ACVR2B: variants seen among roughly 807,000 people sequenced by gnomAD.
ACVR2B encodes the protein activin receptor type-2B.
In ACVR2B, 18 loss-of-function variants were observed where a neutral mutation model predicts 65.1. The ratio of observed to expected loss-of-function variants is 0.28; its 90% confidence interval spans 0.19 to 0.41. ACVR2B has a LOEUF of 0.41. Ranked by LOEUF, ACVR2B falls within the 10% of genes least tolerant of loss-of-function variation. The pLI, the probability that ACVR2B is intolerant of heterozygous loss-of-function variation, is 1.00. For missense variants in ACVR2B, 482 were observed against 682.7 expected, an observed-to-expected ratio of 0.71 and a Z score of 3.28; for synonymous variants, 298 against 277.7, an observed-to-expected ratio of 1.07 and a Z score of -0.73.
At chr3:38,458,575 C>G (rs1468486197) in intron 1 of ACVR2B, among the ~76,000 whole-genome samples, 1 of 152,174 alleles carries the variant, frequency 6.6e-6, no homozygotes, top group Non-Finnish European at 1.5e-5. Flanking sequence ...GATTCTAGCC[C>G]TGGTCTCTCT....
chr3:38,471,857 G>A (rs963928484), intron 1 of ACVR2B, among the ~76,000 whole-genome samples: 4 of 152,210 alleles, frequency 2.6e-5, no homozygotes, highest in Admixed American at 6.5e-5. Context: ...TAGGACCTGG[G>A]ATGTAGTGTG....
rs79437393 is a variant in ACVR2B, at chr3:38,467,868, A to G, written c.53-9419A>G. 7.0e-3 allele frequency among the ~76,000 whole-genome samples: 1,062 copies of G among 152,182 alleles called. 9 individuals are homozygous for G. The highest frequency in any genetic ancestry group is 0.025 in the African/African-American group (1,022 of 41,504). ...AATATAGCTAATATTTCTAATAAAT[A>G]TATGATGTTAAAATTATTATTATTT... is the stretch of plus-strand genomic sequence containing the variant. On this transcript the variant is annotated intron_variant, in intron 1 of 10. Transcript: ENST00000352511.
In ACVR2B at chr3:38,487,698, G is replaced by A. The variant is rs886058408; in HGVS notation, c.*4366G>A. 4 of 152,210 alleles carry A rather than the reference G, an allele frequency of 2.6e-5. No individual in the cohort carries two copies. The East Asian group carries it at 7.7e-4, about 29-fold the overall frequency. The allele number at this position is 152,210 out of a possible 1,614,324, so 9.4% of individuals were successfully genotyped here. On this transcript the variant is annotated 3_prime_UTR_variant, in exon 11 of 11. Coordinates refer to ENST00000352511, the MANE Select transcript of ACVR2B (RefSeq NM_001106.4). ...AGAATTTTGCCTTTTTTAGTATGCA[G>A]TATAAAGTTTCCAGCATCTATTGGT...
At chr3:38,465,285 G>T (rs1213854570) in intron 1 of ACVR2B, among the ~76,000 whole-genome samples, 1 of 151,558 alleles carries the variant, frequency 6.6e-6, no homozygotes, top group African/African-American at 2.4e-5. Context: ...TGTAATCCCA[G>T]CTACTTGGGG....
chr3:38,483,423 A>G lies in ACVR2B; in HGVS notation c.*91A>G. The G allele has an allele frequency of 3.2e-6, 4 of 1,231,474 alleles. No homozygotes were observed. The highest frequency in any genetic ancestry group is 1.5e-5 in the African/African-American group (1 of 67,774). The allele number at this position is 1,231,474 out of a possible 1,614,324, so 76.3% of individuals were successfully genotyped here. ...TTGTTTTGGAAATCCCATAAAACCA[A>G]CAAACACATAAAATGCAGCTGCTAT... On this transcript the variant is annotated 3_prime_UTR_variant, in exon 11 of 11. Transcript: ENST00000352511. The surrounding 1 kb of genome is among the most constrained non-coding windows in gnomAD (Gnocchi z 4.8).
chr3:38,467,383 C>T (rs372256028), intron 1 of ACVR2B, among the ~76,000 whole-genome samples: 4 of 151,254 alleles, frequency 2.6e-5, no homozygotes, highest in African/African-American at 4.9e-5. Flanking sequence ...GCGGAAGTTT[C>T]GGTGAGCTGA....
chr3:38,466,444 C>A (rs1393720335), intron 1 of ACVR2B, among the ~76,000 whole-genome samples: 1 of 151,750 alleles, frequency 6.6e-6, no homozygotes, highest in African/African-American at 2.4e-5. Flanking sequence ...ATATATGTAT[C>A]AAAACGTATT....
rs1340699779 is a variant in ACVR2B at position 38,483,313 on chromosome 3, C to A, written c.1520C>A (p.Pro507His). Residue 507 changes from proline to histidine, a missense_variant, in exon 11 of 11, where the codon CCT (proline) becomes CAT (histidine). By Grantham distance (77) the Pro-to-His change is moderately conservative (BLOSUM62 -2). Transcript: ENST00000352511. The surrounding 1 kb of genome is among the most constrained non-coding windows in gnomAD (Gnocchi z 4.8). ...VTSVTNVDLP[P>H]KESSI ...TCTGTCACCAATGTGGACCTGCCCCCTAAAGAGTCAAGCATCTAAGCCCAG... is the reference window on the plus strand; with the variant it reads ...TCTGTCACCAATGTGGACCTGCCCCATAAAGAGTCAAGCATCTAAGCCCAG... 6.2e-6 allele frequency: 10 copies of A among 1,613,926 alleles called. No individual in the cohort carries two copies. In the East Asian group the frequency reaches 2.2e-4, roughly 36 times the overall value.
rs150861728 is a variant in ACVR2B, at chr3:38,491,145, C to A, written c.*7813C>A. ...TGAAATTAGGCCTTGTGGGATATGGCTGTTTGTCATTTTGATGTATTTTAA... is the reference window on the plus strand; with the variant it reads ...TGAAATTAGGCCTTGTGGGATATGGATGTTTGTCATTTTGATGTATTTTAA... On this transcript the variant is annotated 3_prime_UTR_variant, in exon 11 of 11. Coordinates refer to ENST00000352511, the MANE Select transcript of ACVR2B (RefSeq NM_001106.4). The A allele has an allele frequency of 6.6e-6, 1 of 152,346 alleles. No homozygotes were observed. Among genetic ancestry groups the A allele is most frequent in the East Asian group, 1.9e-4 (1 of 5,188 alleles). The allele number at this position is 152,346 out of a possible 1,614,324, so 9.4% of individuals were successfully genotyped here.
Position 38,454,126 on chromosome 3 carries a change from C to A in ACVR2B, c.-197C>A. 1 of 223,518 alleles carries A rather than the reference C, an allele frequency of 4.5e-6. No individual in the cohort carries two copies. The highest frequency in any genetic ancestry group is 1.5e-4 in the South Asian group (1 of 6,688). The allele number at this position is 223,518 out of a possible 1,614,324, so 13.8% of individuals were successfully genotyped here. On this transcript the variant is annotated 5_prime_UTR_variant, in exon 1 of 11. Coordinates refer to ENST00000352511, the MANE Select transcript of ACVR2B (RefSeq NM_001106.4). ...CGCAGCCTGCGCCGCCCGCAGCGGC[C>A]CTGAGCCCGGCCCCGCCGACCGGCC...
rs1250154779 is a variant in ACVR2B, at chr3:38,492,583, G to T, written c.*9251G>T. On this transcript the variant is annotated 3_prime_UTR_variant, in exon 11 of 11. Coordinates refer to ENST00000352511, the MANE Select transcript of ACVR2B (RefSeq NM_001106.4). ...CTTGTAGCTATAAAATAAAAATTTT[G>T]TAGAACAGAAATAGCTTGTACTACT... The T allele has an allele frequency of 6.6e-6, 1 of 151,798 alleles. No homozygotes were observed. Among genetic ancestry groups the T allele is most frequent in the East Asian group, 1.9e-4 (1 of 5,166 alleles). The allele number at this position is 151,798 out of a possible 1,614,324, so 9.4% of individuals were successfully genotyped here.
intron 1 of ACVR2B, among the ~76,000 whole-genome samples, chr3:38,468,783 G>A (rs939328937): frequency 6.6e-6 from 1 of 152,142 alleles, no homozygotes; most frequent in African/African-American, 2.4e-5. Context: ...TGTCATTTCT[G>A]TAGTTCTCTC....
At chr3:38,473,221 G>GC (rs1192549697) in intron 1 of ACVR2B, among the ~76,000 whole-genome samples, 2 of 152,182 alleles carry the variant, frequency 1.3e-5, no homozygotes, top group Non-Finnish European at 2.9e-5. Context: ...AGTTGGTTTG[G>GC]CTGTGACTCA....
In ACVR2B at chr3:38,481,298, G is replaced by A. The variant is rs187716119; in HGVS notation, c.960-53G>A. On this transcript the variant is annotated intron_variant, in intron 7 of 10. Coordinates refer to ENST00000352511, the MANE Select transcript of ACVR2B (RefSeq NM_001106.4). The surrounding 1 kb of genome is among the most constrained non-coding windows in gnomAD (Gnocchi z 4.7). ...AGACTCTAGTATCTTGGGAACCAAG[G>A]TGGGAGTTGGATCATGATGTTAAGC... The A allele has an allele frequency of 1.4e-5, 20 of 1,464,500 alleles. No individual in the cohort carries two copies. The Admixed American group carries it at 3.3e-4, about 24-fold the overall frequency. The allele number at this position is 1,464,500 out of a possible 1,614,324, so 90.7% of individuals were successfully genotyped here. A position where few individuals can be genotyped will look rare whatever the true frequency, so the allele number is the denominator to read the frequency against.
At chr3:38,457,796 AC>A (rs777610059) in intron 1 of ACVR2B, among the ~76,000 whole-genome samples, 3 of 152,168 alleles carry the variant, frequency 2.0e-5, no homozygotes, top group Non-Finnish European at 4.4e-5. Context: ...TTTCTTGGCC[AC>A]TTCCTTGGGG....
At position 38,484,469 on chromosome 3, in the gene ACVR2B, T is replaced by C. The variant is rs1559657458; in HGVS notation, c.*1137T>C. 6.6e-6 allele frequency: 1 copy of C among 152,240 alleles called. No homozygotes were observed. The highest frequency in any genetic ancestry group is 1.5e-5 in the Non-Finnish European group (1 of 68,066). 9.4% of individuals were successfully genotyped at this position (152,240 alleles called of 1,614,324 possible). On this transcript the variant is annotated 3_prime_UTR_variant, in exon 11 of 11. Transcript: ENST00000352511. ...GACCCCAGAGTCCTGCACCTCTGGTTCCGCCCCAGGTGGTGACATTACTGT... is the reference window on the plus strand; with the variant it reads ...GACCCCAGAGTCCTGCACCTCTGGTCCCGCCCCAGGTGGTGACATTACTGT...
At chr3:38,482,395 T>C (rs1710032942) in intron 9 of ACVR2B, 35 bp from the exon 10 acceptor site, 1 of 1,610,184 alleles carries the variant, frequency 6.2e-7, no homozygotes, top group Non-Finnish European at 8.5e-7. Flanking sequence ...AGTGGGACCT[T>C]AGAGTGATCC....
At chr3:38,467,061 G>A (rs1575581676) in intron 1 of ACVR2B, among the ~76,000 whole-genome samples, 1 of 152,352 alleles carries the variant, frequency 6.6e-6, no homozygotes, top group Non-Finnish European at 1.5e-5. Context: ...TGTCCAGGAA[G>A]AGAGTGGAAC....
chr3:38,455,968 AG>A (rs1375513689), intron 1 of ACVR2B, among the ~76,000 whole-genome samples: 1 of 152,136 alleles, frequency 6.6e-6, no homozygotes, highest in African/African-American at 2.4e-5. Context: ...GGCCTTTAGG[AG>A]AGCTTCCTCC....
Sources: gnomAD v4.1 joint callset for allele counts (sites outside exome capture counted in the v4.1 genomes callset) on GRCh38, gnomAD v4.1.1 for gene constraint, Gnocchi (gnomAD v3.1) non-coding constraint, MANE v1.5 for transcripts, NCBI Gene and HGNC (gene_info 2026-07-23, HGNC 2026-07-21) for gene names.